KRR1: variants seen among roughly 807,000 people sequenced by gnomAD.
KRR1 encodes the protein KRR1 small subunit processome component.
Under a neutral mutation model 50.0 loss-of-function variants are expected in KRR1, and 23 were observed. The observed-to-expected ratio is 0.46, with a 90% CI of 0.33 to 0.65. The LOEUF is 0.65. Ranked by LOEUF, KRR1 falls within the 30% of genes least tolerant of loss-of-function variation. The pLI is 0.02. For synonymous variants in KRR1, 133 were observed against 146.3 expected, an observed-to-expected ratio of 0.91 and a Z score of 0.66; for missense variants, 419 against 442.4, an observed-to-expected ratio of 0.95 and a Z score of 0.47.
In KRR1 at chr12:75,499,134, T is replaced by TAA. The variant is rs1406521292; in HGVS notation, c.*674_*675insTT. The stretch of plus-strand genomic sequence containing the variant: ...TACTCAAAAGAAGAAATTTCCTAAC[T>TAA]CTATCAGATAAACTCATCTTTAGTA... On this transcript the variant is annotated 3_prime_UTR_variant, in exon 10 of 10. Transcript: ENST00000229214. The TAA allele has an allele frequency of 2.1e-6, 1 of 483,682 alleles. No individual in the cohort carries two copies. Among genetic ancestry groups the TAA allele is most frequent in the African/African-American group, 2.0e-5 (1 of 49,408 alleles). 30.0% of individuals were successfully genotyped at this position (483,682 alleles called of 1,614,324 possible).
Position 75,501,983 on chromosome 12 carries a change from A to G in KRR1, c.849T>C (p.Ala283=), listed in dbSNP as rs754022990. 6.2e-7 allele frequency: 1 copy of G among 1,611,814 alleles called. No individual in the cohort carries two copies. The highest frequency in any genetic ancestry group is 8.5e-7 in the Non-Finnish European group (1 of 1,178,848). ...QPESQIDKEL[A]SGEYFLKANQ... The stretch of plus-strand genomic sequence containing the variant: ...TTGCCTTCAAAAAGTATTCACCACT[A>G]GCCAATTCTTTATCGATCTGTTGAA... The change falls in exon 8 of 10, where the codon GCT becomes GCC. Residue 283 remains alanine, a synonymous_variant. Transcript: ENST00000229214.
At position 75,506,792 on chromosome 12, in the gene KRR1, G is replaced by A; in HGVS notation, c.383C>T (p.Ser128Leu). Residue 128 changes from serine (S) to leucine (L), a missense_variant, in exon 3 of 10, where the codon TCA becomes TTA. By Grantham distance (145) the Ser-to-Leu change is moderately radical (BLOSUM62 -2). Transcript: ENST00000229214. ...DLIKLLARSVSFEQAVRILQD... is the reference protein window; with the variant it reads ...DLIKLLARSVLFEQAVRILQD... ...TAATTCTAGATTTACCTGTTCAAAT[G>A]AAACACTCCTTGCTAACAGTTTTAT... is the stretch of plus-strand genomic sequence containing the variant. 1 of 1,610,732 alleles carries A rather than the reference G, an allele frequency of 6.2e-7. No individual in the cohort carries two copies. The highest frequency in any genetic ancestry group is 1.1e-5 in the South Asian group (1 of 90,410).
At position 75,505,351 on chromosome 12, in the gene KRR1, T is replaced by C. The variant is rs574449999; in HGVS notation, c.604-97A>G. 2,930 of 1,178,466 alleles carry C rather than the reference T, an allele frequency of 2.5e-3. 8 individuals carry two copies. Among genetic ancestry groups the C allele is most frequent in the Non-Finnish European group, 3.1e-3 (2,675 of 853,834 alleles). The allele number at this position is 1,178,466 out of a possible 1,614,324, so 73.0% of individuals were successfully genotyped here. A position where few individuals can be genotyped will look rare whatever the true frequency, so the allele number is the denominator to read the frequency against. ...CAAAAATCAGGTAATGGGTACCAAA[T>C]TAAATAATGTAATTAAATAATTAAG... On this transcript the variant is annotated intron_variant, in intron 5 of 9. Transcript: ENST00000229214.
chr12:75,508,026 G>A (rs1380615170), intron 2 of KRR1, among the ~76,000 whole-genome samples: 1 of 152,094 alleles, frequency 6.6e-6, no homozygotes, highest in Non-Finnish European at 1.5e-5. Flanking sequence ...ATTTCAGACA[G>A]TTGTGAAGCT....
chr12:75,509,843 C>T (rs1336000147), intron 1 of KRR1, among the ~76,000 whole-genome samples: 2 of 151,610 alleles, frequency 1.3e-5, no homozygotes, highest in Non-Finnish European at 1.5e-5. Flanking sequence ...CCCTCCTCAG[C>T]TTGCCAAAGT....
Position 75,499,766 on chromosome 12 carries a change from C to CTT in KRR1, c.*41_*42dup, listed in dbSNP as rs745877885. 3.4e-6 allele frequency: 5 copies of CTT among 1,484,092 alleles called. No homozygotes were observed. The African/African-American group carries it at 5.8e-5, about 17-fold the overall frequency. The allele number at this position is 1,484,092 out of a possible 1,614,324, so 91.9% of individuals were successfully genotyped here. On this transcript the variant is annotated 3_prime_UTR_variant, in exon 10 of 10. Transcript: ENST00000229214. ...AACTAATGCCTGATATCTCAAAATC[C>CTT]TTTACAAAAGGAGATAGTTCTAGTC...
At chr12:75,503,316 C>T (rs1246044948) in intron 7 of KRR1, 1 of 152,050 alleles carries the variant, frequency 6.6e-6, no homozygotes, top group Non-Finnish European at 1.5e-5. Context: ...AAAACTTTCT[C>T]TAACTTAATT....
rs112759583 is a variant in KRR1, at chr12:75,498,585, A to G, written c.*1224T>C. 1 of 831,326 alleles carries G rather than the reference A, an allele frequency of 1.2e-6. No homozygotes were observed. The highest frequency in any genetic ancestry group is 1.7e-5 in the African/African-American group (1 of 58,420). The allele number at this position is 831,326 out of a possible 1,614,324, so 51.5% of individuals were successfully genotyped here. A position where few individuals can be genotyped will look rare whatever the true frequency, so the allele number is the denominator to read the frequency against. On this transcript the variant is annotated 3_prime_UTR_variant, in exon 10 of 10. Transcript: ENST00000229214. ...TAAACTTGGAAAGTCACTGCAATAA[A>G]GCCAAAGCAAGTTAATGGTCATAAT...
rs2046397736 is a variant in KRR1, at chr12:75,501,985, C to T, written c.847G>A (p.Ala283Thr). The T allele has an allele frequency of 6.2e-7, 1 of 1,611,330 alleles. No homozygotes were observed. The highest frequency in any genetic ancestry group is 1.3e-5 in the African/African-American group (1 of 74,764). ...QPESQIDKEL[A>T]SGEYFLKANQ... is the part of the protein sequence containing the mutation. Reference sequence around the variant, plus strand: ...GCCTTCAAAAAGTATTCACCACTAGCCAATTCTTTATCGATCTGTTGAAAA... The same window carrying T: ...GCCTTCAAAAAGTATTCACCACTAGTCAATTCTTTATCGATCTGTTGAAAA... Residue 283 changes from alanine (A) to threonine (T), a missense_variant, in exon 8 of 10, where the codon GCT becomes ACT. Ala to Thr is a moderately conservative substitution (Grantham distance 58). Coordinates refer to ENST00000229214, the MANE Select transcript of KRR1 (RefSeq NM_007043.7).
At chr12:75,507,838 T>C (rs1314118930) in intron 2 of KRR1, among the ~76,000 whole-genome samples, 1 of 149,152 alleles carries the variant, frequency 6.7e-6, no homozygotes, top group South Asian at 2.1e-4. Flanking sequence ...AAAAAAAAAA[T>C]GCAGTTATCT....
rs912493151 is a variant in KRR1, at chr12:75,491,083, T to G, written c.*8726A>C. On this transcript the variant is annotated 3_prime_UTR_variant, in exon 10 of 10. Coordinates refer to ENST00000229214, the MANE Select transcript of KRR1 (RefSeq NM_007043.7). ...CACATATTTAGAAATCTGATCATAC[T>G]GAAAATATACATTTTCTATTTTTCA... 14 of 152,228 alleles carry G rather than the reference T, an allele frequency of 9.2e-5. No homozygotes were observed. The highest frequency in any genetic ancestry group is 2.9e-4 in the African/African-American group (12 of 41,460). 9.4% of individuals were successfully genotyped at this position (152,228 alleles called of 1,614,324 possible).
rs2046324949 is a variant in KRR1 at position 75,491,762 on chromosome 12, G to A, written c.*8047C>T. On this transcript the variant is annotated 3_prime_UTR_variant, in exon 10 of 10. Coordinates refer to ENST00000229214, the MANE Select transcript of KRR1 (RefSeq NM_007043.7). ...CCTTTTTCTGTGAATCATGTGGGCT[G>A]ACCATTTTTCTACTAGATTTTCTTA... 1.3e-5 allele frequency: 2 copies of A among 152,068 alleles called. No homozygotes were observed. The highest frequency in any genetic ancestry group is 1.3e-4 in the Admixed American group (2 of 15,288). 9.4% of individuals were successfully genotyped at this position (152,068 alleles called of 1,614,324 possible).
chr12:75,510,881 T>C (rs1186692724), intron 1 of KRR1, among the ~76,000 whole-genome samples: 3 of 152,210 alleles, frequency 2.0e-5, no homozygotes, highest in South Asian at 4.1e-4. Context: ...ATAAGCCTGG[T>C]TGAACAGATC....
At chr12:75,503,780 C>T (rs543269519) in intron 7 of KRR1, 124 bp downstream of exon 7, 1 of 852,816 alleles carries the variant, frequency 1.2e-6, no homozygotes, top group Non-Finnish European at 1.8e-6. Flanking sequence ...TCTTATAGCT[C>T]TGCACACACA....
rs747573872 is a variant in KRR1 at position 75,501,791 on chromosome 12, T to G, written c.935A>C (p.Lys312Thr). Residue 312 changes from lysine (K) to threonine (T), a missense_variant, in exon 9 of 10, where the codon AAG becomes ACG. By Grantham distance (78) the Lys-to-Thr change is moderately conservative. Coordinates refer to ENST00000229214, the MANE Select transcript of KRR1 (RefSeq NM_007043.7). ...TGCTTTGTTTCTTTCCTCTTGTCTC[T>G]TACTGATGGCTTCTGCTTGTTTAGC... ...IKAKQAEAIS[K>T]RQEERNKAFI... The G allele has an allele frequency of 6.2e-7, 1 of 1,610,308 alleles. No homozygotes were observed. The highest frequency in any genetic ancestry group is 8.5e-7 in the Non-Finnish European group (1 of 1,178,022).
At chr12:75,506,430 A>G in intron 4 of KRR1, 31 bp from the exon 5 acceptor site, 1 of 1,604,514 alleles carries the variant, frequency 6.2e-7, no homozygotes, top group South Asian at 1.1e-5. Flanking sequence ...AAAATTCATT[A>G]CTCTGAAAAA....
intron 8 of KRR1, 51 bp from the exon 9 acceptor site, chr12:75,501,867 A>AATTCAAGT: frequency 6.3e-7 from 1 of 1,581,456 alleles, no homozygotes. Flanking sequence ...ATAGTTAAAT[A>AATTCAAGT]ATTCAAGTAT....
intron 5 of KRR1, 119 bp from the exon 6 acceptor site, chr12:75,505,373 T>A (rs2046417236): frequency 2.0e-6 from 2 of 1,011,620 alleles, no homozygotes; most frequent in African/African-American, 1.7e-5. Context: ...ATTAAATAAT[T>A]AAGTAGTTCC....
chr12:75,501,963 T>G lies in KRR1; in HGVS notation c.869A>C (p.Lys290Thr). ...KELASGEYFLKANQKKRQKME... is the reference protein window; with the variant it reads ...KELASGEYFLTANQKKRQKME... ...TTTCTGCCGCTTCTTCTGATTTGCCTTCAAAAAGTATTCACCACTAGCCAA... is the reference window on the plus strand; with the variant it reads ...TTTCTGCCGCTTCTTCTGATTTGCCGTCAAAAAGTATTCACCACTAGCCAA... The change falls in exon 8 of 10, where the codon AAG (lysine) becomes ACG (threonine). Residue 290 changes from lysine (K) to threonine (T), a missense_variant. Lys to Thr is a moderately conservative substitution (Grantham distance 78, BLOSUM62 -1). Coordinates refer to ENST00000229214, the MANE Select transcript of KRR1 (RefSeq NM_007043.7). 6.2e-7 allele frequency: 1 copy of G among 1,612,502 alleles called. No individual in the cohort carries two copies. Among genetic ancestry groups the G allele is most frequent in the Admixed American group, 1.7e-5 (1 of 59,926 alleles).
Sources: allele counts gnomAD v4.1 joint callset (sites outside exome capture counted in the v4.1 genomes callset), GRCh38; gene constraint gnomAD v4.1.1; transcripts MANE v1.5; gene names NCBI Gene and HGNC (gene_info 2026-07-23, HGNC 2026-07-21).